RTN1: variants seen among roughly 807,000 people sequenced by gnomAD.
RTN1 encodes reticulon-1.
A neutral mutation model predicts 65.5 loss-of-function variants in RTN1; 25 were observed. The observed-to-expected ratio is 0.38, with a 90% confidence interval of 0.28 to 0.53. The LOEUF (loss-of-function observed/expected upper bound fraction) is 0.53, where lower values mean the gene tolerates loss of function less well. RTN1 is among the 20% of genes least tolerant of loss of function. RTN1 has a pLI of 0.79. For synonymous variants in RTN1, 471 were observed against 447.6 expected (o/e 1.05, Z -0.66); for missense variants, 983 against 1,025.4 (o/e 0.96, Z 0.57).
chr14:59,748,149 T>C (rs1328014975), intron 1 of RTN1, among the ~76,000 whole-genome samples: 1 of 150,200 alleles, frequency 6.7e-6, no homozygotes, highest in Non-Finnish European at 1.5e-5. Context: ...CACACCCAAG[T>C]AACCTGGAAG....
chr14:59,691,475 C>A (rs535244123), intron 3 of RTN1, among the ~76,000 whole-genome samples: 1 of 152,086 alleles, frequency 6.6e-6, no homozygotes, highest in Non-Finnish European at 1.5e-5. Flanking sequence ...CCAGACCAGA[C>A]TGATTCACAC....
At position 59,603,142 on chromosome 14, in the gene RTN1, AAT is replaced by A. The variant is rs748252264; in HGVS notation, c.2230-21_2230-20del. ...TCTGTGCCTACATAAAGAAAAAAAA[AAT>A]AATGAGCATATCCAAAGATGATGAG... On this transcript the variant is annotated intron_variant, in intron 7 of 8. Coordinates refer to ENST00000267484, the MANE Select transcript of RTN1 (RefSeq NM_021136.3). 1.2e-6 allele frequency: 2 copies of A among 1,612,272 alleles called. No homozygotes were observed. Among genetic ancestry groups the A allele is most frequent in the Non-Finnish European group, 1.7e-6 (2 of 1,179,388 alleles).
intron 1 of RTN1, among the ~76,000 whole-genome samples, chr14:59,809,399 A>C (rs1886689596): frequency 6.6e-6 from 1 of 151,086 alleles, no homozygotes; most frequent in South Asian, 2.1e-4. Context: ...AATTCTTTCT[A>C]GTGTCATTTT....
At chr14:59,802,982 C>T (rs951546831) in intron 1 of RTN1, among the ~76,000 whole-genome samples, 23 of 151,614 alleles carry the variant, frequency 1.5e-4, no homozygotes, top group African/African-American at 5.6e-4. Flanking sequence ...ATTTAATTTT[C>T]TCAGCTTTCA....
At chr14:59,802,683 A>G (rs1307268405) in intron 1 of RTN1, among the ~76,000 whole-genome samples, 1 of 152,236 alleles carries the variant, frequency 6.6e-6, no homozygotes, top group Admixed American at 6.5e-5. Flanking sequence ...AGCCACAGCA[A>G]AGGAAGCTTC....
In RTN1 at chr14:59,794,059, C is replaced by T. The variant is rs1886398958; in HGVS notation, c.242-47578G>A. Among the ~76,000 whole-genome samples the T allele has an allele frequency of 1.3e-5, 2 of 152,230 alleles. No homozygotes were observed. Among genetic ancestry groups the T allele is most frequent in the South Asian group, 4.1e-4 (2 of 4,826 alleles). ...GCCATGAATCTTGAGTTAGACTGAC[C>T]CTTCCTCCAGTCCTAGTGATGCTGA... is the stretch of plus-strand genomic sequence containing the variant. On this transcript the variant is annotated intron_variant, in intron 1 of 8. Transcript: ENST00000267484. This position sits in a 1 kb window ranked among gnomAD's most constrained non-coding sequence, Gnocchi z 5.1.
Position 59,846,623 on chromosome 14 carries a change from GTTTA to G in RTN1, c.241+23763_241+23766del, listed in dbSNP as rs1887416103. Reference sequence around the variant, plus strand: ...GTAGCCTACACCCATGACACAGGGAGTTTATTTAAAGTTTCACATTTTAAAACTA... The same window carrying G: ...GTAGCCTACACCCATGACACAGGGAGTTTAAAGTTTCACATTTTAAAACTA... On this transcript the variant is annotated intron_variant, in intron 1 of 8. Transcript: ENST00000267484. This position sits in a 1 kb window ranked among gnomAD's most constrained non-coding sequence, Gnocchi z 4.8. 6.6e-6 allele frequency among the ~76,000 whole-genome samples: 1 copy of G among 152,208 alleles called. No homozygotes were observed. The highest frequency in any genetic ancestry group is 2.4e-5 in the African/African-American group (1 of 41,444).
At chr14:59,666,678 A>T (rs1359715449) in intron 3 of RTN1, among the ~76,000 whole-genome samples, 1 of 152,120 alleles carries the variant, frequency 6.6e-6, no homozygotes, top group East Asian at 1.9e-4. Flanking sequence ...AAGATCAACA[A>T]AATTGATAGA....
intron 3 of RTN1, among the ~76,000 whole-genome samples, chr14:59,613,720 A>C (rs757242026): frequency 9.2e-5 from 14 of 151,978 alleles, no homozygotes; most frequent in Non-Finnish European, 1.5e-4. Context: ...GTCCTTCTTA[A>C]AGCACTCATG....
At chr14:59,865,927 G>C (rs1887790183) in intron 1 of RTN1, among the ~76,000 whole-genome samples, 1 of 152,156 alleles carries the variant, frequency 6.6e-6, no homozygotes, top group South Asian at 2.1e-4. Flanking sequence ...TAAAGGGAGA[G>C]AAAGATTTTG....
At chr14:59,812,990 G>A (rs1886756412) in intron 1 of RTN1, among the ~76,000 whole-genome samples, 1 of 152,120 alleles carries the variant, frequency 6.6e-6, no homozygotes, top group African/African-American at 2.4e-5. Context: ...AAAAAGACAA[G>A]TAACCTAAAT....
At chr14:59,863,656 T>C (rs1313648005) in intron 1 of RTN1, among the ~76,000 whole-genome samples, 1 of 152,162 alleles carries the variant, frequency 6.6e-6, no homozygotes, top group African/African-American at 2.4e-5. Context: ...TCCCAATGTA[T>C]ATAAGCAGAT....
chr14:59,650,527 G>T (rs748510112), intron 3 of RTN1, among the ~76,000 whole-genome samples: 1 of 152,090 alleles, frequency 6.6e-6, no homozygotes, highest in Non-Finnish European at 1.5e-5. Context: ...CAGCCCAAAA[G>T]CTCTTTAAGC....
intron 1 of RTN1, among the ~76,000 whole-genome samples, chr14:59,842,322 A>G (rs1355060099): frequency 6.6e-6 from 1 of 152,154 alleles, no homozygotes; most frequent in Non-Finnish European, 1.5e-5. Flanking sequence ...GAATAAATAG[A>G]AAAATGCACA....
intron 1 of RTN1, among the ~76,000 whole-genome samples, chr14:59,773,292 C>T (rs946473150): frequency 6.6e-6 from 1 of 152,026 alleles, no homozygotes; most frequent in African/African-American, 2.4e-5. Context: ...AAATTCTCAT[C>T]ATTTATTTCT....
intron 3 of RTN1, among the ~76,000 whole-genome samples, chr14:59,614,817 TCTTA>T (rs926313380): frequency 1.3e-5 from 2 of 152,238 alleles, no homozygotes; most frequent in African/African-American, 2.4e-5. Flanking sequence ...AATTAAAATC[TCTTA>T]CTTATCAGGT....
Position 59,784,349 on chromosome 14 carries a change from G to A in RTN1, c.242-37868C>T, listed in dbSNP as rs1480785906. Among the ~76,000 whole-genome samples the A allele has an allele frequency of 3.9e-5, 6 of 152,094 alleles. 1 individual carries two copies. Among genetic ancestry groups the A allele is most frequent in the African/African-American group, 2.4e-5 (1 of 41,484 alleles). Reference sequence around the variant, plus strand: ...CCAGCTACTAGGGAGGCTGAGGCAGGAGAATTGCTTGAACCTGGGAGGCGG... The same window carrying A: ...CCAGCTACTAGGGAGGCTGAGGCAGAAGAATTGCTTGAACCTGGGAGGCGG... On this transcript the variant is annotated intron_variant, in intron 1 of 8. Transcript: ENST00000267484.
chr14:59,656,163 T>A (rs1018681762), intron 3 of RTN1, among the ~76,000 whole-genome samples: 3 of 151,970 alleles, frequency 2.0e-5, no homozygotes, highest in African/African-American at 7.3e-5. Flanking sequence ...ATATGAAATG[T>A]CAAGACAAGG....
intron 1 of RTN1, among the ~76,000 whole-genome samples, chr14:59,856,580 A>G (rs1887612533): frequency 1.3e-5 from 2 of 152,174 alleles, no homozygotes; most frequent in Non-Finnish European, 2.9e-5. Flanking sequence ...TCATCAGGAC[A>G]TGGGAAACGC....
Sources: allele counts gnomAD v4.1 joint callset (sites outside exome capture counted in the v4.1 genomes callset), GRCh38; gene constraint gnomAD v4.1.1; non-coding constraint Gnocchi (gnomAD v3.1); transcripts MANE v1.5; gene names NCBI Gene and HGNC (gene_info 2026-07-23, HGNC 2026-07-21).